Variants in GMDS observed in about 807,000 individuals in gnomAD.
The protein encoded by GMDS is GDP-mannose 4,6 dehydratase.
Under a neutral mutation model 49.9 loss-of-function variants are expected in GMDS, and 20 were observed. The ratio of observed to expected loss-of-function variants is 0.40; its 90% CI spans 0.28 to 0.58. GMDS has a LOEUF of 0.58. Among genes scored for constraint, GMDS ranks in the 20% least tolerant of loss-of-function variants. GMDS has a pLI of 0.42. For missense variants in GMDS, 362 were observed against 481.4 expected (o/e 0.75, Z 2.32); for synonymous variants, 177 against 178.6 (o/e 0.99, Z 0.07).
chr6:1,798,325 C>A (rs953657105), intron 7 of GMDS, among the ~76,000 whole-genome samples: 5 of 151,632 alleles, frequency 3.3e-5, no homozygotes, highest in South Asian at 4.2e-4. Flanking sequence ...GCTATCATTG[C>A]AAGATGCAAC....
intron 7 of GMDS, among the ~76,000 whole-genome samples, chr6:1,912,742 T>C (rs1376468375): frequency 6.6e-6 from 1 of 152,076 alleles, no homozygotes. Flanking sequence ...AAACAAAGAT[T>C]TAGAAAGCAG....
At chr6:1,955,234 A>C (rs1379118465) in intron 6 of GMDS, among the ~76,000 whole-genome samples, 1 of 152,178 alleles carries the variant, frequency 6.6e-6, no homozygotes, top group Non-Finnish European at 1.5e-5. Context: ...GTACAGTAAA[A>C]ATGTGACTTT....
chr6:1,703,434 G>A (rs1269751306), intron 9 of GMDS, among the ~76,000 whole-genome samples: 2 of 151,798 alleles, frequency 1.3e-5, no homozygotes, highest in East Asian at 1.9e-4. Context: ...CCAAAGAGAA[G>A]TCTGTAGCTC....
At chr6:2,244,979 G>A (rs1581854908) in intron 1 of GMDS, among the ~76,000 whole-genome samples, 1 of 152,206 alleles carries the variant, frequency 6.6e-6, no homozygotes, top group South Asian at 2.1e-4. Context: ...TCCGGCACTA[G>A]GAGCTGCGAA....
At chr6:2,085,725 A>G (rs1291468542) in intron 4 of GMDS, among the ~76,000 whole-genome samples, 1 of 152,078 alleles carries the variant, frequency 6.6e-6, no homozygotes, top group Non-Finnish European at 1.5e-5. Context: ...ACAGGGTCTC[A>G]CTATGTTTCC....
At chr6:2,221,891 CA>C (rs1780609099) in intron 1 of GMDS, among the ~76,000 whole-genome samples, 1 of 152,072 alleles carries the variant, frequency 6.6e-6, no homozygotes, top group Non-Finnish European at 1.5e-5. Flanking sequence ...ACAGGGGCAA[CA>C]GGAAACTTGG....
intron 1 of GMDS, among the ~76,000 whole-genome samples, chr6:2,198,745 A>T (rs1400001481): frequency 6.6e-6 from 1 of 152,228 alleles, no homozygotes; most frequent in Non-Finnish European, 1.5e-5. Context: ...ACTTCTCAAC[A>T]AGTTCAAGAA....
At chr6:2,189,914 T>C (rs925420204) in intron 1 of GMDS, among the ~76,000 whole-genome samples, 5 of 74,958 alleles carry the variant, frequency 6.7e-5, no homozygotes, top group Admixed American at 1.4e-4. Context: ...GGTAACAATG[T>C]GTAGTAAGAG....
At chr6:1,828,888 G>A (rs1317946053) in intron 7 of GMDS, among the ~76,000 whole-genome samples, 1 of 152,164 alleles carries the variant, frequency 6.6e-6, no homozygotes, top group East Asian at 1.9e-4. Flanking sequence ...TACATATAAT[G>A]TTTGACTCAC....
intron 4 of GMDS, among the ~76,000 whole-genome samples, chr6:2,105,530 C>A (rs1459897935): frequency 6.6e-6 from 1 of 151,992 alleles, no homozygotes. Context: ...TTACAACAAA[C>A]AAAAAAACCC....
chr6:2,124,560 G>A (rs1406866983), intron 2 of GMDS, 127 bp downstream of exon 2: 22 of 758,216 alleles, frequency 2.9e-5, no homozygotes, highest in South Asian at 1.0e-4. Flanking sequence ...ATTCTTCCCC[G>A]GATTCTGATT....
chr6:1,652,635 A>ATATATATAATATATATTATT (rs1763727491), intron 9 of GMDS, among the ~76,000 whole-genome samples: 1 of 5,634 alleles, frequency 1.8e-4, no homozygotes, highest in African/African-American at 5.5e-4. Flanking sequence ...TTTATATATA[A>ATATATATAATATATATTATT]TATATATAAT....
At chr6:2,120,490 T>C (rs981180266) in intron 2 of GMDS, among the ~76,000 whole-genome samples, 4 of 152,236 alleles carry the variant, frequency 2.6e-5, no homozygotes, top group Non-Finnish European at 2.9e-5. Flanking sequence ...CTTATATCCA[T>C]TTCTTTTCTA....
At chr6:1,719,642 G>A (rs1398234421) in intron 9 of GMDS, among the ~76,000 whole-genome samples, 1 of 146,990 alleles carries the variant, frequency 6.8e-6, no homozygotes, top group Non-Finnish European at 1.5e-5. Context: ...AAAGAGAGAG[G>A]GATTTTTTAG....
chr6:2,043,789 A>T (rs1404296113), intron 4 of GMDS, among the ~76,000 whole-genome samples: 1 of 152,178 alleles, frequency 6.6e-6, no homozygotes, highest in East Asian at 1.9e-4. Flanking sequence ...GGATGGGAGA[A>T]AGTTTTTGCA....
At chr6:2,035,247 C>G (rs902680723) in intron 4 of GMDS, among the ~76,000 whole-genome samples, 2 of 152,138 alleles carry the variant, frequency 1.3e-5, no homozygotes, top group African/African-American at 4.8e-5. Context: ...ACAAAGATGT[C>G]AAATTAACTG....
chr6:1,647,780 G>A lies in GMDS; in HGVS notation c.988-23240C>T, dbSNP rs184587318. ...GAATCTCGGACACATTCTCAGGCCG[G>A]AGTGGGGGAAGGACAAGCCCTTCCT... On this transcript the variant is annotated intron_variant, in intron 9 of 10. Coordinates refer to ENST00000380815, the MANE Select transcript of GMDS (RefSeq NM_001500.4). 2.8e-3 allele frequency among the ~76,000 whole-genome samples: 432 copies of A among 152,316 alleles called. 1 individual carries two copies. The highest frequency in any genetic ancestry group is 4.3e-3 in the Non-Finnish European group (294 of 68,028).
chr6:2,152,678 C>T (rs1161257601), intron 1 of GMDS, among the ~76,000 whole-genome samples: 8 of 152,066 alleles, frequency 5.3e-5, no homozygotes, highest in Non-Finnish European at 1.0e-4. Flanking sequence ...ATCCACTGTA[C>T]TCTAATTAAC....
chr6:1,681,449 T>C (rs1170375771), intron 9 of GMDS, among the ~76,000 whole-genome samples: 1 of 151,932 alleles, frequency 6.6e-6, no homozygotes, highest in African/African-American at 2.4e-5. Flanking sequence ...GAATCTGAGG[T>C]TGTAAGAAAT....
Sources: gnomAD v4.1 joint callset for allele counts (sites outside exome capture counted in the v4.1 genomes callset) on GRCh38, gnomAD v4.1.1 for gene constraint, MANE v1.5 for transcripts, NCBI Gene and HGNC (gene_info 2026-07-23, HGNC 2026-07-21) for gene names.